Variants in SLC1A6 observed in about 807,000 individuals in gnomAD.
SLC1A6 encodes solute carrier family 1 member 6.
Under a neutral mutation model 42.1 loss-of-function variants are expected in SLC1A6, and 15 were observed. The ratio of observed to expected loss-of-function variants is 0.36; its 90% confidence interval spans 0.24 to 0.55. SLC1A6 has a LOEUF of 0.55. Among genes scored for constraint, SLC1A6 ranks in the 20% least tolerant of loss-of-function variants. The pLI is 0.88. For synonymous variants in SLC1A6, 317 were observed against 319.7 expected, an observed-to-expected ratio of 0.99 and a Z score of 0.09; for missense variants, 542 against 772.5, an observed-to-expected ratio of 0.70 and a Z score of 3.54.
At chr19:14,960,515 A>C (rs572612317) in intron 6 of SLC1A6, among the ~76,000 whole-genome samples, 1 of 152,358 alleles carries the variant, frequency 6.6e-6, no homozygotes, top group Non-Finnish European at 1.5e-5. Context: ...GAATGAAGAG[A>C]TACATGGGGA....
chr19:15,006,268 C>T (rs1013855), intron 1 of SLC1A6, among the ~76,000 whole-genome samples: 40,268 of 152,000 alleles, frequency 0.26, 5,833 homozygotes, highest in East Asian at 0.55. Context: ...GTGAATTGCT[C>T]GAGATCACGT....
chr19:14,951,160 G>A (rs2045407787), intron 9 of SLC1A6, among the ~76,000 whole-genome samples: 1 of 145,206 alleles, frequency 6.9e-6, no homozygotes, highest in African/African-American at 2.5e-5. Context: ...GCTGAGGCAG[G>A]AGAATCACTT....
rs139283601 is a variant in SLC1A6, at chr19:14,959,047, G to A, written c.936-2338C>T. Among the ~76,000 whole-genome samples, 661 of 152,278 alleles carry A rather than the reference G, an allele frequency of 4.3e-3. 4 individuals carry two copies. The highest frequency in any genetic ancestry group is 0.015 in the African/African-American group (630 of 41,570). ...CTTCCTTCAAGCCTCCTTACTTTAT[G>A]CTAATAACTCTTTGTTAAGCCCTAT... On this transcript the variant is annotated intron_variant, in intron 6 of 9. Transcript: ENST00000594383.
chr19:14,972,713 C>T lies in SLC1A6; in HGVS notation c.198G>A (p.Val66=), dbSNP rs757320444. 3.7e-6 allele frequency: 6 copies of T among 1,613,886 alleles called. No homozygotes were observed. The Admixed American group carries it at 8.3e-5, about 22-fold the overall frequency. Residue 66 remains valine, a synonymous_variant, in exon 2 of 10, where the codon GTG becomes GTA. Coordinates refer to ENST00000594383, the MANE Select transcript of SLC1A6 (RefSeq NM_005071.3). Reference sequence around the variant, plus strand: ...CCAAGAGGCAGAGCTCACCAATGACCACGGCGCTGACCGTCAGCAGAATGA... The same window carrying T: ...CCAAGAGGCAGAGCTCACCAATGACTACGGCGCTGACCGTCAGCAGAATGA... ...NAFILLTVSA[V]VIGVSLAFAL...
chr19:14,972,599 G>T, intron 2 of SLC1A6, 107 bp downstream of exon 2: 1 of 865,046 alleles, frequency 1.2e-6, no homozygotes, highest in Non-Finnish European at 1.9e-6. Flanking sequence ...GGACGTGTGT[G>T]CAGGTGAGAA....
intron 6 of SLC1A6, 101 bp downstream of exon 6, chr19:14,961,897 GTAAA>G: frequency 2.7e-6 from 4 of 1,489,366 alleles, no homozygotes; most frequent in Non-Finnish European, 3.6e-6. Flanking sequence ...CACCCAATAC[GTAAA>G]TGAATGACCA....
chr19:14,987,663 C>T (rs912984786), intron 1 of SLC1A6, among the ~76,000 whole-genome samples: 2 of 151,912 alleles, frequency 1.3e-5, no homozygotes, highest in South Asian at 2.1e-4. Flanking sequence ...ATCCAGGTAG[C>T]GGGAACAGCA....
intron 3 of SLC1A6, among the ~76,000 whole-genome samples, chr19:14,970,355 G>C (rs920543530): frequency 1.3e-5 from 2 of 152,106 alleles, no homozygotes; most frequent in African/African-American, 4.8e-5. Context: ...ACAGGCATAA[G>C]TCACCTCACC....
intron 6 of SLC1A6, among the ~76,000 whole-genome samples, chr19:14,960,466 C>T (rs576461222): frequency 6.6e-5 from 10 of 152,056 alleles, no homozygotes; most frequent in Non-Finnish European, 1.3e-4. Context: ...AATGAATGAA[C>T]CGATAGAAAA....
At chr19:14,981,202 AG>A (rs2045765516), upstream of SLC1A6, among the ~76,000 whole-genome samples, 1 of 151,810 alleles carries the variant, frequency 6.6e-6, no homozygotes, top group African/African-American at 2.4e-5. Context: ...CTGAGGCAGG[AG>A]GGTCACTTGA....
intron 3 of SLC1A6, among the ~76,000 whole-genome samples, chr19:14,970,544 T>C (rs909528291): frequency 1.3e-5 from 2 of 151,592 alleles, no homozygotes; most frequent in African/African-American, 2.4e-5. Context: ...ACCCTGTCTC[T>C]ACTAAAAATA....
chr19:14,968,384 C>G lies in SLC1A6; in HGVS notation c.467G>C (p.Gly156Ala). 6.2e-7 allele frequency: 1 copy of G among 1,613,824 alleles called. No homozygotes were observed. The highest frequency in any genetic ancestry group is 8.5e-7 in the Non-Finnish European group (1 of 1,179,926). The change falls in exon 4 of 10, where the codon GGG becomes GCG. Residue 156 changes from glycine (G) to alanine (A), a missense_variant. By Grantham distance (60) the Gly-to-Ala change is moderately conservative. Transcript: ENST00000594383. ...GILMVTIIHP[G>A]KGSKEGLHRE... The stretch of plus-strand genomic sequence containing the variant: ...GTGCAGCCCCTCCTTGGAGCCCTTC[C>G]CGGGATGGATGATGGTGACCATGAG...
At chr19:14,992,982 G>A (rs111325304) in intron 1 of SLC1A6, among the ~76,000 whole-genome samples, 41 of 152,276 alleles carry the variant, frequency 2.7e-4, no homozygotes, top group African/African-American at 9.9e-4. Context: ...AGGAGAGGGA[G>A]TCTCATTATC....
chr19:14,992,977 A>G (rs1194567938), intron 1 of SLC1A6, among the ~76,000 whole-genome samples: 1 of 152,006 alleles, frequency 6.6e-6, no homozygotes, highest in African/African-American at 2.4e-5. Context: ...ATTAAAGGAG[A>G]GGGAGTCTCA....
intron 7 of SLC1A6, 119 bp from the exon 8 acceptor site, chr19:14,954,448 G>T: frequency 1.1e-6 from 1 of 889,104 alleles, no homozygotes; most frequent in Non-Finnish European, 1.8e-6. Flanking sequence ...AAAGGCTGGG[G>T]AACAGGGCGT....
chr19:14,998,869 T>C, intron 1 of SLC1A6, among the ~76,000 whole-genome samples: 1 of 149,220 alleles, frequency 6.7e-6, no homozygotes, highest in South Asian at 2.1e-4. Flanking sequence ...TATTTATTTA[T>C]TTATTTATTT....
upstream of SLC1A6, among the ~76,000 whole-genome samples, chr19:14,983,126 T>C (rs888921846): frequency 6.6e-6 from 1 of 152,214 alleles, no homozygotes; most frequent in Non-Finnish European, 1.5e-5. Context: ...TCTGACATTT[T>C]TCTGGGTCAT....
Position 14,950,233 on chromosome 19 carries a change from C to A in SLC1A6, c.1657G>T (p.Ala553Ser). Residue 553 changes from alanine (A) to serine (S), a missense_variant, in exon 10 of 10, where the codon GCA (alanine) becomes TCA (serine). By Grantham distance (99) the Ala-to-Ser change is moderately conservative (BLOSUM62 1). Coordinates refer to ENST00000594383, the MANE Select transcript of SLC1A6 (RefSeq NM_005071.3). ...YKSLMAQEKGASRGRGGNESA... is the reference protein window; with the variant it reads ...YKSLMAQEKGSSRGRGGNESA... The stretch of plus-strand genomic sequence containing the variant: ...TCGTTGCCTCCCCGTCCCCGGGATG[C>A]CCCCTTCTCCTGTGCCATGAGGGAC... The A allele has an allele frequency of 6.3e-7, 1 of 1,591,770 alleles. No homozygotes were observed. The highest frequency in any genetic ancestry group is 8.6e-7 in the Non-Finnish European group (1 of 1,164,744).
At chr19:14,957,301 G>A (rs117917537) in intron 6 of SLC1A6, among the ~76,000 whole-genome samples, 45 of 152,160 alleles carry the variant, frequency 3.0e-4, no homozygotes, top group African/African-American at 5.3e-4. Flanking sequence ...CATGGCTCTC[G>A]TCCTCAAAGC....
Sources: gnomAD v4.1 joint callset for allele counts (sites outside exome capture counted in the v4.1 genomes callset) on GRCh38, gnomAD v4.1.1 for gene constraint, MANE v1.5 for transcripts, NCBI Gene and HGNC (gene_info 2026-07-23, HGNC 2026-07-21) for gene names.